RBPJ: variants seen among roughly 807,000 people sequenced by gnomAD.
RBPJ encodes the protein recombination signal binding protein for immunoglobulin kappa J region, also known as recombining binding protein suppressor of hairless.
A neutral mutation model predicts 67.8 loss-of-function variants in RBPJ; 9 were observed. The observed-to-expected ratio is 0.13, with a 90% CI of 0.08 to 0.23. The LOEUF is 0.23. Among genes scored for constraint, RBPJ ranks in the 10% least tolerant of loss-of-function variants. The pLI, the probability that RBPJ is intolerant of heterozygous loss-of-function variation, is 1.00. For synonymous variants in RBPJ, 198 were observed against 203.3 expected, an observed-to-expected ratio of 0.97 and a Z score of 0.22; for missense variants, 305 against 595.6, an observed-to-expected ratio of 0.51 and a Z score of 5.08.
intron 1 of RBPJ, among the ~76,000 whole-genome samples, chr4:26,232,032 C>G (rs1239508087): frequency 6.6e-6 from 1 of 151,594 alleles, no homozygotes; most frequent in East Asian, 2.0e-4. Flanking sequence ...TCTGGGACTA[C>G]AGGCATGCAT....
chr4:26,349,415 T>C (rs1176574076), intron 1 of RBPJ, among the ~76,000 whole-genome samples: 1 of 152,202 alleles, frequency 6.6e-6, no homozygotes, highest in African/African-American at 2.4e-5. Flanking sequence ...TGTTTAAATA[T>C]CACTTCTTTT....
chr4:26,369,279 CTTGTG>C (rs1416624311), intron 1 of RBPJ, among the ~76,000 whole-genome samples: 1 of 152,148 alleles, frequency 6.6e-6, no homozygotes, highest in African/African-American at 2.4e-5. Context: ...TCACTGAACT[CTTGTG>C]AGGTGGGGAT....
At chr4:26,128,850 A>T in the RBPJ span, among the ~76,000 whole-genome samples, 5 of 152,106 alleles carry the variant, frequency 3.3e-5, no homozygotes, top group Non-Finnish European at 7.4e-5. Context: ...ACAAGATCTG[A>T]TGGTTTTATA....
rs375547049 is a variant in RBPJ, at chr4:26,433,277, A to G, written c.*2270A>G. 9.9e-5 allele frequency: 15 copies of G among 152,236 alleles called. No individual in the cohort carries two copies. In the East Asian group the frequency reaches 1.7e-3, roughly 18 times the overall value. 9.4% of individuals were successfully genotyped at this position (152,236 alleles called of 1,614,324 possible). On this transcript the variant is annotated 3_prime_UTR_variant, in exon 11 of 11. Transcript: ENST00000355476. ...TTCTGAGTAGTAGTTATTCCTCTCTATGGAGTCATGGCAGGAATCATTACA... is the reference window on the plus strand; with the variant it reads ...TTCTGAGTAGTAGTTATTCCTCTCTGTGGAGTCATGGCAGGAATCATTACA...
At chr4:26,349,128 C>T (rs563169705) in intron 1 of RBPJ, among the ~76,000 whole-genome samples, 71 of 151,934 alleles carry the variant, frequency 4.7e-4, no homozygotes, top group Non-Finnish European at 9.4e-4. Context: ...AGTGCAGTGG[C>T]GTTCTCACAG....
rs770828005 is a variant in RBPJ, at chr4:26,244,226, CAT to C, written c.-167+80617_-167+80618del. Among the ~76,000 whole-genome samples the C allele has an allele frequency of 2.4e-4, 30 of 122,820 alleles. 4 individuals are homozygous for C. In the East Asian group the frequency reaches 2.8e-3, roughly 11 times the overall value. 80.6% of individuals were successfully genotyped at this position (122,820 alleles called of 152,430 possible). ...ATATATGTATACACATATGTGTACA[CAT>C]ATATGTGTCTATATATGTGTACACA... On this transcript the variant is annotated intron_variant, in intron 1 of 4. Coordinates refer to the RBPJ transcript ENST00000512351.
intron 1 of RBPJ, among the ~76,000 whole-genome samples, chr4:26,284,743 G>T (rs1721404676): frequency 6.6e-6 from 1 of 152,134 alleles, no homozygotes; most frequent in South Asian, 2.1e-4. Context: ...GGTGATTACA[G>T]GTGTGAGTCA....
chr4:26,315,914 C>T (rs1297544099), upstream of RBPJ, among the ~76,000 whole-genome samples: 2 of 151,996 alleles, frequency 1.3e-5, no homozygotes, highest in Non-Finnish European at 2.9e-5. Context: ...AAAAATATGG[C>T]TTTTTTTGCC....
intron 1 of RBPJ, among the ~76,000 whole-genome samples, chr4:26,292,426 T>C (rs1020636162): frequency 6.7e-6 from 1 of 150,168 alleles, no homozygotes; most frequent in Non-Finnish European, 1.5e-5. Context: ...CTGAATAATA[T>C]ATATATTTTT....
At chr4:26,122,895 G>T in the RBPJ span, among the ~76,000 whole-genome samples, 2 of 152,172 alleles carry the variant, frequency 1.3e-5, no homozygotes, top group Non-Finnish European at 2.9e-5. Context: ...ATTTACAAAA[G>T]CAGATGGTGG....
chr4:26,365,582 G>A (rs1011644856), intron 1 of RBPJ, among the ~76,000 whole-genome samples: 1 of 152,176 alleles, frequency 6.6e-6, no homozygotes, highest in African/African-American at 2.4e-5. Context: ...TTTATCAAAA[G>A]ATTGAAATAA....
At chr4:26,237,019 G>C (rs1719473971) in intron 1 of RBPJ, among the ~76,000 whole-genome samples, 1 of 152,154 alleles carries the variant, frequency 6.6e-6, no homozygotes, top group Admixed American at 6.5e-5. Flanking sequence ...AAGCCGTAGA[G>C]CTCAGGCAAA....
At chr4:26,351,066 C>T (rs921262513) in intron 1 of RBPJ, among the ~76,000 whole-genome samples, 3 of 151,708 alleles carry the variant, frequency 2.0e-5, no homozygotes, top group Non-Finnish European at 2.9e-5. Context: ...ATATTATATA[C>T]GTTATATATT....
chr4:26,163,332 G>A (rs1196204656), upstream of RBPJ: 6 of 147,052 alleles, frequency 4.1e-5, no homozygotes, highest in Non-Finnish European at 5.9e-5. Flanking sequence ...ATTTATGTTG[G>A]TCTTTACAGA....
chr4:26,126,694 G>T, the RBPJ span, among the ~76,000 whole-genome samples: 1 of 152,202 alleles, frequency 6.6e-6, no homozygotes, highest in East Asian at 1.9e-4. Flanking sequence ...CCTCAAGGCG[G>T]CCAGCATTGG....
chr4:26,151,053 T>TTCCACTCCC, the RBPJ span, among the ~76,000 whole-genome samples: 1 of 152,160 alleles, frequency 6.6e-6, no homozygotes, highest in Admixed American at 6.6e-5. Context: ...AAAATACTTT[T>TTCCACTCCC]TGATGATGGA....
chr4:26,377,061 A>G (rs922040351), intron 1 of RBPJ, among the ~76,000 whole-genome samples: 3 of 152,206 alleles, frequency 2.0e-5, no homozygotes, highest in African/African-American at 7.2e-5. Flanking sequence ...CAGTATAAAT[A>G]TATACTTGTT....
Position 26,357,567 on chromosome 4 carries a change from A to G in RBPJ, c.21-28786A>G, listed in dbSNP as rs546813233. Among the ~76,000 whole-genome samples, 51 of 152,328 alleles carry G rather than the reference A, an allele frequency of 3.3e-4. 1 individual carries two copies. Among genetic ancestry groups the G allele is most frequent in the African/African-American group, 1.2e-3 (51 of 41,586 alleles). Reference sequence around the variant, plus strand: ...CAGGTGTGTTCAGTTTATTTATTGTAGCAAAATATACATAAATAAAATTTA... The same window carrying G: ...CAGGTGTGTTCAGTTTATTTATTGTGGCAAAATATACATAAATAAAATTTA... On this transcript the variant is annotated intron_variant, in intron 1 of 10. Transcript: ENST00000355476.
intron 1 of RBPJ, among the ~76,000 whole-genome samples, chr4:26,286,704 A>G (rs1721478402): frequency 6.6e-6 from 1 of 151,658 alleles, no homozygotes; most frequent in African/African-American, 2.4e-5. Flanking sequence ...GCAGGTGTTC[A>G]TGTCAATATA....
Sources: gnomAD v4.1 joint callset for allele counts (sites outside exome capture counted in the v4.1 genomes callset) on GRCh38, gnomAD v4.1.1 for gene constraint, MANE v1.5 for transcripts, NCBI Gene and HGNC (gene_info 2026-07-23, HGNC 2026-07-21) for gene names.